The following LRP4 variants were observed in gnomAD, a reference collection of about 807,000 sequenced individuals.
The protein encoded by LRP4 is LDL receptor related protein 4, also known as low-density lipoprotein receptor-related protein 4.
A neutral mutation model predicts 220.3 loss-of-function variants in LRP4; 95 were observed. That is an observed-to-expected ratio of 0.43 (90% CI 0.37 to 0.51). LRP4 has a LOEUF of 0.51. Among genes scored for constraint, LRP4 ranks in the 20% least tolerant of loss-of-function variants. The pLI is 0.00. For synonymous variants in LRP4, 903 were observed against 954.6 expected (o/e 0.95, Z 1.00); for missense variants, 1,925 against 2,567.0 (o/e 0.75, Z 5.40).
At position 46,892,977 on chromosome 11, in the gene LRP4, C is replaced by T; in HGVS notation, c.1693G>A (p.Glu565Lys). ...GGAGCCTGAGATACAACTTACCCCT[C>T]CATGGGATGCAAGGCAATGGCCCGG... ...KPRAIALHPM[E>K]GTIYWTDWGN... Residue 565 changes from glutamate (E) to lysine (K), a missense_variant, in exon 13 of 38, where the codon GAG (glutamate) becomes AAG (lysine). Glu to Lys is a moderately conservative substitution (Grantham distance 56, BLOSUM62 1). Coordinates refer to ENST00000378623, the MANE Select transcript of LRP4 (RefSeq NM_002334.4). 1 of 1,613,288 alleles carries T rather than the reference C, an allele frequency of 6.2e-7. No individual in the cohort carries two copies. Among genetic ancestry groups the T allele is most frequent in the Non-Finnish European group, 8.5e-7 (1 of 1,179,924 alleles).
chr11:46,904,901 G>T (rs1186054024), intron 1 of LRP4, among the ~76,000 whole-genome samples: 1 of 144,972 alleles, frequency 6.9e-6, no homozygotes, highest in Non-Finnish European at 1.5e-5. Flanking sequence ...ACTTGAGCCC[G>T]GGAGGTTGAG....
rs977467315 is a variant in LRP4 at position 46,873,994 on chromosome 11, T to A, written c.4230-401A>T. ...AAACAATTTTAAATACAAGTAGATA[T>A]GAGGTTTCATTATGTTGCCTAGGCT... is the stretch of plus-strand genomic sequence containing the variant. On this transcript the variant is annotated intron_variant, in intron 28 of 37. Transcript: ENST00000378623. The surrounding 1 kb of genome is among the most constrained non-coding windows in gnomAD (Gnocchi z 4.2). The A allele has an allele frequency of 2.3e-5, 5 of 215,902 alleles. No individual in the cohort carries two copies. The highest frequency in any genetic ancestry group is 4.6e-5 in the Non-Finnish European group (5 of 107,674). 13.4% of individuals were successfully genotyped at this position (215,902 alleles called of 1,614,324 possible). A position where few individuals can be genotyped will look rare whatever the true frequency, so the allele number is the denominator to read the frequency against.
rs146894429 is a variant in LRP4 at position 46,899,896 on chromosome 11, T to C, written c.397A>G (p.Asn133Asp). The change falls in exon 4 of 38, where the codon AAT becomes GAT. Residue 133 changes from asparagine to aspartate, a missense_variant. Coordinates refer to ENST00000378623, the MANE Select transcript of LRP4 (RefSeq NM_002334.4). This position sits in a 1 kb window ranked among gnomAD's most constrained non-coding sequence, Gnocchi z 5.9. ...IRSLWHCDGD[N>D]DCGDNSDEQC... ...TCATCGCTGTTGTCGCCACAGTCAT[T>C]GTCACCATCGCAGTGCCACAGACTC... 1.2e-6 allele frequency: 2 copies of C among 1,613,996 alleles called. No homozygotes were observed. The highest frequency in any genetic ancestry group is 2.2e-5 in the South Asian group (2 of 91,088).
At chr11:46,897,907 T>G (rs1270702500) in intron 7 of LRP4, among the ~76,000 whole-genome samples, 6 of 151,774 alleles carry the variant, frequency 4.0e-5, no homozygotes, top group African/African-American at 1.5e-4. Context: ...CCAGACGGGG[T>G]GGTGGCCTGG....
intron 30 of LRP4, 102 bp downstream of exon 30, chr11:46,872,998 A>G: frequency 6.7e-7 from 1 of 1,499,798 alleles, no homozygotes; most frequent in Admixed American, 1.7e-5. Flanking sequence ...TTCCCCACAT[A>G]CCAAGAAGCT....
chr11:46,890,598 C>A lies in LRP4; in HGVS notation c.1698-104G>T. 5.2e-6 allele frequency: 4 copies of A among 775,244 alleles called. No homozygotes were observed. The highest frequency in any genetic ancestry group is 8.8e-6 in the Non-Finnish European group (4 of 457,124). 48.0% of individuals were successfully genotyped at this position (775,244 alleles called of 1,614,324 possible). A position where few individuals can be genotyped will look rare whatever the true frequency, so the allele number is the denominator to read the frequency against. ...TTTATCCATTTAACTCAGGGGACTCCAATGTTTGGTCCACAGAATGAATTT... is the reference window on the plus strand; with the variant it reads ...TTTATCCATTTAACTCAGGGGACTCAAATGTTTGGTCCACAGAATGAATTT... On this transcript the variant is annotated intron_variant, in intron 13 of 37. Coordinates refer to ENST00000378623, the MANE Select transcript of LRP4 (RefSeq NM_002334.4). This position sits in a 1 kb window ranked among gnomAD's most constrained non-coding sequence, Gnocchi z 5.3.
chr11:46,867,665 T>C (rs1395575126), intron 34 of LRP4, among the ~76,000 whole-genome samples: 3 of 152,150 alleles, frequency 2.0e-5, no homozygotes, highest in South Asian at 2.1e-4. Context: ...TTCTCCATGT[T>C]GGGCAGGCTG....
rs1243641330 is a variant in LRP4 at position 46,875,832 on chromosome 11, T to G, written c.3671A>C (p.Gln1224Pro). 6.2e-7 allele frequency: 1 copy of G among 1,614,110 alleles called. No individual in the cohort carries two copies. Residue 1224 changes from glutamine to proline, a missense_variant, in exon 26 of 38, where the codon CAA becomes CCA. Physicochemically the swap from Gln to Pro is moderately conservative, Grantham distance 76. This residue lies in a region of LRP4 where 1,244 missense variants were observed against 1,624.9 expected (regional missense o/e 0.77). Transcript: ENST00000378623. This position sits in a 1 kb window ranked among gnomAD's most constrained non-coding sequence, Gnocchi z 4.5. ...GGTGTGGGCATCGGCCCATAGCAGT[T>G]GGGAGCTGGCCTTGTCCACAGTCAG... The part of the protein sequence containing the change: ...NGLTVDKASS[Q>P]LLWADAHTER...
chr11:46,907,707 T>C (rs768971773), intron 1 of LRP4, among the ~76,000 whole-genome samples: 1 of 152,198 alleles, frequency 6.6e-6, no homozygotes, highest in Non-Finnish European at 1.5e-5. Context: ...CACACTAACT[T>C]AGTAGTAGAC....
intron 30 of LRP4, among the ~76,000 whole-genome samples, chr11:46,872,463 G>A (rs950211218): frequency 2.6e-5 from 4 of 152,154 alleles, no homozygotes; most frequent in African/African-American, 9.7e-5. Flanking sequence ...CGGAGCCTGG[G>A]TCGGGCGTGG....
rs1940507608 is a variant in LRP4 at position 46,860,245 on chromosome 11, AGAAAG to A, written c.5386-935_5386-931del. Among the ~76,000 whole-genome samples the A allele has an allele frequency of 1.2e-4, 18 of 151,118 alleles. No individual in the cohort carries two copies. In the South Asian group the frequency reaches 3.8e-3, roughly 32 times the overall value. ...GCAAGATTCCATTAAAAAAAAAAAAAGAAAGAAAGAAAGAAAAAAAACTAAAAAAA... is the reference window on the plus strand; with the variant it reads ...GCAAGATTCCATTAAAAAAAAAAAAAAAAGAAAGAAAAAAAACTAAAAAAA... On this transcript the variant is annotated intron_variant, in intron 37 of 37. Coordinates refer to ENST00000378623, the MANE Select transcript of LRP4 (RefSeq NM_002334.4).
intron 30 of LRP4, among the ~76,000 whole-genome samples, chr11:46,872,389 A>G (rs760480421): frequency 2.0e-5 from 3 of 152,128 alleles, no homozygotes; most frequent in African/African-American, 4.8e-5. Context: ...GGGGGCACAG[A>G]CTGCTTTAGA....
At chr11:46,896,739 G>A in intron 8 of LRP4, 130 bp downstream of exon 8, 1 of 1,375,372 alleles carries the variant, frequency 7.3e-7, no homozygotes, top group Admixed American at 1.8e-5. Context: ...AAGGCCGCAG[G>A]TCAATGATGC....
chr11:46,885,751 C>T (rs542259342), intron 18 of LRP4, among the ~76,000 whole-genome samples: 2 of 130,126 alleles, frequency 1.5e-5, no homozygotes, highest in Admixed American at 9.6e-5. Flanking sequence ...TCCAGCCTGG[C>T]GACAGAGCAA....
At chr11:46,894,527 C>T in intron 12 of LRP4, 62 bp downstream of exon 12, 3 of 1,334,794 alleles carry the variant, frequency 2.2e-6, no homozygotes, top group Non-Finnish European at 3.2e-6. Flanking sequence ...TGGCCTATTC[C>T]TCCCACCGTT....
At chr11:46,917,180 T>G (rs1941958828) in intron 1 of LRP4, among the ~76,000 whole-genome samples, 1 of 152,204 alleles carries the variant, frequency 6.6e-6, no homozygotes, top group Non-Finnish European at 1.5e-5. Flanking sequence ...TGCACTGACT[T>G]TTTCCACACG....
At chr11:46,889,365 T>A (rs761236265) in intron 16 of LRP4, 46 bp downstream of exon 16, 1 of 1,611,426 alleles carries the variant, frequency 6.2e-7, no homozygotes, top group Non-Finnish European at 8.5e-7. Flanking sequence ...CTTCTCCCCA[T>A]CCTCACAACA....
Position 46,873,623 on chromosome 11 carries a change from A to C in LRP4, c.4230-30T>G. 1 of 1,567,242 alleles carries C rather than the reference A, an allele frequency of 6.4e-7. No individual in the cohort carries two copies. Among genetic ancestry groups the C allele is most frequent in the South Asian group, 1.1e-5 (1 of 88,838 alleles). On this transcript the variant is annotated intron_variant, in intron 28 of 37. Transcript: ENST00000378623. This position sits in a 1 kb window ranked among gnomAD's most constrained non-coding sequence, Gnocchi z 4.2. ...GGGAGAGCCCAGTGTTGGATGAGCA[A>C]CCAGACTGACCCAGAATAGAGTAGA...
intron 34 of LRP4, among the ~76,000 whole-genome samples, chr11:46,866,970 A>C (rs1294342772): frequency 6.6e-6 from 1 of 152,172 alleles, no homozygotes; most frequent in African/African-American, 2.4e-5. Context: ...CTCTGAATTG[A>C]ATGTAACATC....
Sources: allele counts gnomAD v4.1 joint callset (sites outside exome capture counted in the v4.1 genomes callset), GRCh38; gene constraint gnomAD v4.1.1; regional missense constraint gnomAD v4.1.1; non-coding constraint Gnocchi (gnomAD v3.1); transcripts MANE v1.5; gene names NCBI Gene and HGNC (gene_info 2026-07-23, HGNC 2026-07-21).